TBC1D14: variants seen among roughly 807,000 people sequenced by gnomAD.
TBC1D14 encodes TBC1 domain family, member 14.
A neutral mutation model predicts 79.0 loss-of-function variants in TBC1D14; 26 were observed. That is an observed-to-expected ratio of 0.33 (90% confidence interval 0.24 to 0.46). The LOEUF (loss-of-function observed/expected upper bound fraction) is 0.46, where lower values mean the gene tolerates loss of function less well. Ranked by LOEUF, TBC1D14 falls within the 20% of genes least tolerant of loss-of-function variation. The pLI is 1.00. For missense variants in TBC1D14, 769 were observed against 887.6 expected (o/e 0.87, Z 1.70); for synonymous variants, 394 against 349.9 (o/e 1.13, Z -1.40).
chr4:6,930,627 A>G (rs945291852), intron 2 of TBC1D14, among the ~76,000 whole-genome samples: 4 of 152,048 alleles, frequency 2.6e-5, no homozygotes, highest in African/African-American at 9.7e-5. Flanking sequence ...GCGAAACTCC[A>G]TCTTTACTAA....
rs1200549181 is a variant in TBC1D14, at chr4:6,946,019, A to G, written c.723-21285A>G. Among the ~76,000 whole-genome samples, 4 of 152,196 alleles carry G rather than the reference A, an allele frequency of 2.6e-5. No homozygotes were observed. The East Asian group carries it at 5.8e-4, about 22-fold the overall frequency. On this transcript the variant is annotated intron_variant, in intron 2 of 13. Transcript: ENST00000409757. ...AGCACGCAGAGGGTTCAGAGCCACC[A>G]GTAGAAAGAATGGACTTTCAATTCA...
intron 3 of TBC1D14, among the ~76,000 whole-genome samples, chr4:6,986,379 G>C (rs1302020731): frequency 1.3e-5 from 2 of 152,234 alleles, no homozygotes; most frequent in Non-Finnish European, 2.9e-5. Flanking sequence ...CTGAATTATA[G>C]AAGAAGCTGC....
At chr4:6,958,376 TACAC>T (rs60999179) in intron 2 of TBC1D14, among the ~76,000 whole-genome samples, 50 of 149,218 alleles carry the variant, frequency 3.4e-4, no homozygotes, top group African/African-American at 2.5e-4. Flanking sequence ...TCCCCACATA[TACAC>T]ACACACACAC....
chr4:7,001,042 G>T, intron 6 of TBC1D14, 103 bp from the exon 7 acceptor site: 1 of 875,028 alleles, frequency 1.1e-6, no homozygotes, highest in Non-Finnish European at 1.9e-6. Flanking sequence ...TGTGCCTGAT[G>T]CAACGGTGCA....
At chr4:6,926,136 C>T (rs780256231) in intron 2 of TBC1D14, among the ~76,000 whole-genome samples, 11 of 152,172 alleles carry the variant, frequency 7.2e-5, no homozygotes, top group Non-Finnish European at 1.5e-4. Context: ...TGTTGACGAA[C>T]GCCACACGCT....
chr4:7,024,910 G>A, intron 12 of TBC1D14, 94 bp from the exon 13 acceptor site: 1 of 1,535,932 alleles, frequency 6.5e-7, no homozygotes, highest in East Asian at 2.3e-5. Context: ...AAGTGACTAG[G>A]GGAGTGTTTT....
chr4:6,935,399 G>GT (rs1226960328), intron 2 of TBC1D14, among the ~76,000 whole-genome samples: 2 of 152,180 alleles, frequency 1.3e-5, no homozygotes, highest in Non-Finnish European at 2.9e-5. Context: ...GGGATCTAGA[G>GT]TTCAACAGAG....
At chr4:7,014,626 T>A in intron 12 of TBC1D14, 69 bp downstream of exon 12, 1 of 1,097,374 alleles carries the variant, frequency 9.1e-7, no homozygotes, top group Non-Finnish European at 1.4e-6. Flanking sequence ...CTCTCTTCTC[T>A]GCCAACTTCT....
At chr4:6,959,410 A>G (rs73088512) in intron 2 of TBC1D14, among the ~76,000 whole-genome samples, 1 of 152,194 alleles carries the variant, frequency 6.6e-6, no homozygotes, top group Non-Finnish European at 1.5e-5. Context: ...AAGGGCAGAC[A>G]CAGCTCTGCC....
At chr4:6,963,666 G>C (rs1715447444) in intron 2 of TBC1D14, among the ~76,000 whole-genome samples, 2 of 152,170 alleles carry the variant, frequency 1.3e-5, no homozygotes, top group Non-Finnish European at 2.9e-5. Flanking sequence ...CTTTTCACTT[G>C]TAGTGACTTG....
At chr4:6,955,265 A>G (rs1714517950) in intron 2 of TBC1D14, among the ~76,000 whole-genome samples, 2 of 151,966 alleles carry the variant, frequency 1.3e-5, no homozygotes, top group East Asian at 3.9e-4. Flanking sequence ...ATACCTCGGA[A>G]GTGGGATTTA....
intron 3 of TBC1D14, among the ~76,000 whole-genome samples, chr4:6,982,122 C>G (rs1219342944): frequency 6.6e-6 from 1 of 152,214 alleles, no homozygotes; most frequent in African/African-American, 2.4e-5. Context: ...CAATCCCACT[C>G]TTAGGTGTTT....
At chr4:6,954,623 CG>C (rs898052190) in intron 2 of TBC1D14, among the ~76,000 whole-genome samples, 27 of 151,984 alleles carry the variant, frequency 1.8e-4, no homozygotes, top group African/African-American at 6.5e-4. Context: ...TTTTTTGAGA[CG>C]GAGTCTGGTT....
chr4:6,943,172 C>T (rs1166449618), intron 2 of TBC1D14, among the ~76,000 whole-genome samples: 2 of 151,566 alleles, frequency 1.3e-5, no homozygotes, highest in Admixed American at 6.6e-5. Context: ...TGAGAGCCAG[C>T]CGTGCCTGAA....
rs371176287 is a variant in TBC1D14, at chr4:7,001,257, T to C, written c.1270+6T>C. 1.9e-6 allele frequency: 3 copies of C among 1,611,508 alleles called. No homozygotes were observed. The African/African-American group carries it at 4.0e-5, about 22-fold the overall frequency. On this transcript the variant is annotated splice_donor_region_variant and intron_variant, in intron 7 of 13. Coordinates refer to ENST00000409757, the MANE Select transcript of TBC1D14 (RefSeq NM_020773.3). ...CGAGTTAAATATCACCCACGGTGAG[T>C]GGCCTGCATGATCCTGGGGAGTCCA...
At chr4:6,978,039 G>T (rs973269112) in intron 3 of TBC1D14, among the ~76,000 whole-genome samples, 2 of 151,384 alleles carry the variant, frequency 1.3e-5, no homozygotes, top group Non-Finnish European at 2.9e-5. Flanking sequence ...GAGCGACTCC[G>T]CCCGGCAGCC....
At chr4:7,027,921 CCCCACACAGTTA>C (rs1315918797) in intron 13 of TBC1D14, among the ~76,000 whole-genome samples, 2 of 148,872 alleles carry the variant, frequency 1.3e-5, no homozygotes, top group African/African-American at 5.0e-5. Context: ...TACACAATCA[CCCCACACAGTTA>C]CCCACACGCA....
intron 2 of TBC1D14, among the ~76,000 whole-genome samples, chr4:6,944,160 C>T (rs1314787499): frequency 6.6e-6 from 1 of 152,172 alleles, no homozygotes; most frequent in Non-Finnish European, 1.5e-5. Flanking sequence ...AACACCTACC[C>T]CTGATTTTTC....
chr4:7,020,706 G>C (rs903691728), intron 12 of TBC1D14, among the ~76,000 whole-genome samples: 2 of 152,012 alleles, frequency 1.3e-5, no homozygotes, highest in African/African-American at 2.4e-5. Context: ...GTTTTGTTTT[G>C]TTTTCTTTTC....
Sources: allele counts gnomAD v4.1 joint callset (sites outside exome capture counted in the v4.1 genomes callset), GRCh38; gene constraint gnomAD v4.1.1; transcripts MANE v1.5; gene names NCBI Gene and HGNC (gene_info 2026-07-23, HGNC 2026-07-21).